The following PLIN4 variants were observed in gnomAD, a reference collection of about 807,000 sequenced individuals.
PLIN4 encodes perilipin 4, also known as perilipin-4.
In PLIN4, 57 loss-of-function variants were observed where a neutral mutation model predicts 52.4. The ratio of observed to expected loss-of-function variants is 1.09; its 90% CI spans 0.88 to 1.36. PLIN4 has a LOEUF of 1.36. Ranked by LOEUF, PLIN4 falls within the 40% of genes most tolerant of loss-of-function variation. The pLI is 0.00. For missense variants in PLIN4, 1,757 were observed against 1,770.3 expected (o/e 0.99, Z 0.13); for synonymous variants, 826 against 785.4 (o/e 1.05, Z -0.86).
At chr19:4,507,680 C>T (rs1976135731) in intron 6 of PLIN4, among the ~76,000 whole-genome samples, 1 of 152,154 alleles carries the variant, frequency 6.6e-6, no homozygotes, top group African/African-American at 2.4e-5. Context: ...CAGAGCAAGA[C>T]CCTGTCTCAC....
chr19:4,510,587 G>A lies in PLIN4; in HGVS notation c.3373C>T (p.Gln1125Ter). 6.7e-7 allele frequency: 1 copy of A among 1,502,654 alleles called. No individual in the cohort carries two copies. Among genetic ancestry groups the A allele is most frequent in the South Asian group, 1.4e-5 (1 of 72,414 alleles). The allele number at this position is 1,502,654 out of a possible 1,614,324, so 93.1% of individuals were successfully genotyped here. A position where few individuals can be genotyped will look rare whatever the true frequency, so the allele number is the denominator to read the frequency against. Residue 1125 changes from glutamine to a stop codon, truncating the protein, a stop_gained, in exon 5 of 8, where the codon CAA (glutamine) becomes TAA (stop). Coordinates refer to ENST00000301286, the MANE Select transcript of PLIN4 (RefSeq NM_001367868.2). LOFTEE classifies it high-confidence loss of function. ...TCCTCCCTGCCTGGGGCGGCCCCTT[G>A]GGTGAACGTCGCCACGTCAGTCGCA... ...GLATDVATFTQGAAPGREDTG... is the reference protein window; with the variant it reads ...GLATDVATFT
At chr19:4,508,674 A>G (rs1976174115) in intron 6 of PLIN4, 94 bp downstream of exon 6, 1 of 1,307,556 alleles carries the variant, frequency 7.6e-7, no homozygotes, top group Non-Finnish European at 1.0e-6. Flanking sequence ...ATCATCTCCT[A>G]GGTGCTCAGT....
Position 4,512,236 on chromosome 19 carries a change from G to A in PLIN4, c.1724C>T (p.Ala575Val), listed in dbSNP as rs1446818394. 4 of 1,612,914 alleles carry A rather than the reference G, an allele frequency of 2.5e-6. 1 individual carries two copies. Among genetic ancestry groups the A allele is most frequent in the Admixed American group, 3.3e-5 (2 of 59,954 alleles). ...KDTMSTGLTG[A>V]ANVAKGAVQT... ...GACAGCCCCCTTGGCCACATTCGCTGCCCCCGTGAGCCCAGTGGACATCGT... is the reference window on the plus strand; with the variant it reads ...GACAGCCCCCTTGGCCACATTCGCTACCCCCGTGAGCCCAGTGGACATCGT... Residue 575 changes from alanine (A) to valine (V), a missense_variant, in exon 5 of 8, where the codon GCA becomes GTA. Ala to Val is a moderately conservative substitution (Grantham distance 64, BLOSUM62 0). Transcript: ENST00000301286.
intron 2 of PLIN4, among the ~76,000 whole-genome samples, 193 bp downstream of exon 2, chr19:4,518,029 T>A (rs1257492232): frequency 1.3e-5 from 2 of 152,004 alleles, no homozygotes; most frequent in African/African-American, 4.8e-5. Flanking sequence ...GGTGTCGAGG[T>A]CTGCGTGGGT....
At position 4,511,884 on chromosome 19, in the gene PLIN4, C is replaced by G. The variant is rs758090722; in HGVS notation, c.2076G>C (p.Val692=). The stretch of plus-strand genomic sequence containing the variant: ...TGACTGTGTCCTTGGTGCCGGTCAG[C>G]ACGGTCTTGGCCGTGTCTACACCTG... ...AQTGVDTAKT[V]LTGTKDTVTT... is the part of the protein sequence containing the mutation. The change falls in exon 5 of 8, where the codon GTG becomes GTC. Residue 692 remains valine, a synonymous_variant. Transcript: ENST00000301286. 44 of 1,608,454 alleles carry G rather than the reference C, an allele frequency of 2.7e-5. No individual in the cohort carries two copies. In the South Asian group the frequency reaches 4.2e-4, roughly 15 times the overall value.
chr19:4,507,360 G>A (rs571556552), intron 6 of PLIN4, among the ~76,000 whole-genome samples: 33 of 152,318 alleles, frequency 2.2e-4, no homozygotes, highest in Non-Finnish European at 3.5e-4. Flanking sequence ...TCGCGGGAGC[G>A]CAGAAGCTCA....
chr19:4,505,432 C>T (rs575479233), intron 6 of PLIN4, among the ~76,000 whole-genome samples: 3 of 152,328 alleles, frequency 2.0e-5, no homozygotes, highest in South Asian at 2.1e-4. Context: ...TCACAAGGTC[C>T]GCGTTCGGCC....
At chr19:4,507,102 G>C (rs139668638) in intron 6 of PLIN4, among the ~76,000 whole-genome samples, 3 of 152,234 alleles carry the variant, frequency 2.0e-5, no homozygotes, top group Admixed American at 1.3e-4. Flanking sequence ...TCCCCTGGAG[G>C]CAGGTCATCC....
At chr19:4,507,829 G>A (rs910204481) in intron 6 of PLIN4, among the ~76,000 whole-genome samples, 3 of 152,082 alleles carry the variant, frequency 2.0e-5, no homozygotes, top group Non-Finnish European at 2.9e-5. Flanking sequence ...TCAGCTCCCT[G>A]CAGGGACCAG....
In PLIN4 at chr19:4,508,796, A is replaced by G; in HGVS notation, c.3674T>C (p.Leu1225Pro). The G allele has an allele frequency of 6.3e-7, 1 of 1,595,254 alleles. No homozygotes were observed. Among genetic ancestry groups the G allele is most frequent in the African/African-American group, 1.3e-5 (1 of 74,592 alleles). The change falls in exon 6 of 8, where the codon CTG becomes CCG. Residue 1225 changes from leucine to proline, a missense_variant. This residue lies in a region of PLIN4 where 712 missense variants were observed against 637.1 expected (regional missense o/e 1.12). Coordinates refer to ENST00000301286, the MANE Select transcript of PLIN4 (RefSeq NM_001367868.2). Reference protein sequence around the residue: ...QHGQFQARDTLAQLQDCFRLI... With the variant: ...QHGQFQARDTPAQLQDCFRLI... Reference sequence around the variant, plus strand: ...CCTGAAGCAGTCCTGGAGCTGGGCCAGAGTGTCCCTGGCTTGGAACTGGCC... The same window carrying G: ...CCTGAAGCAGTCCTGGAGCTGGGCCGGAGTGTCCCTGGCTTGGAACTGGCC...
chr19:4,512,276 T>C lies in PLIN4; in HGVS notation c.1684A>G (p.Ile562Val), dbSNP rs755553009. Residue 562 changes from isoleucine (I) to valine (V), a missense_variant, in exon 5 of 8, where the codon ATA becomes GTA. Coordinates refer to ENST00000301286, the MANE Select transcript of PLIN4 (RefSeq NM_001367868.2). ...GGLDTTKSVVIGTKDTMSTGL... is the reference protein window; with the variant it reads ...GGLDTTKSVVVGTKDTMSTGL... ...GTGGACATCGTGTCTTTTGTACCTA[T>C]GACCACAGACTTGGTGGTGTCCAGG... 8.1e-6 allele frequency: 13 copies of C among 1,611,724 alleles called. No individual in the cohort carries two copies. Among genetic ancestry groups the C allele is most frequent in the East Asian group, 4.5e-5 (2 of 44,780 alleles).
intron 1 of PLIN4, 22 bp from the exon 2 acceptor site, chr19:4,518,311 G>A (rs1385676363): frequency 1.1e-5 from 13 of 1,232,638 alleles, no homozygotes; most frequent in Middle Eastern, 3.1e-4. Flanking sequence ...CAGAGAAGGT[G>A]CGTGAATGGG....
At chr19:4,517,021 G>C (rs112931460) in intron 3 of PLIN4, among the ~76,000 whole-genome samples, 2,017 of 152,324 alleles carry the variant, frequency 0.013, 59 homozygotes, top group African/African-American at 0.046. Context: ...GCAGCTGCCT[G>C]CTGCCTATTG....
Position 4,518,400 on chromosome 19 carries a change from C to A in PLIN4, c.-33G>T. 2 of 1,230,500 alleles carry A rather than the reference C, an allele frequency of 1.6e-6. No individual in the cohort carries two copies. The highest frequency in any genetic ancestry group is 1.0e-6 in the Non-Finnish European group (1 of 987,448). 76.2% of individuals were successfully genotyped at this position (1,230,500 alleles called of 1,614,324 possible). A position where few individuals can be genotyped will look rare whatever the true frequency, so the allele number is the denominator to read the frequency against. On this transcript the variant is annotated 5_prime_UTR_variant, in exon 1 of 8. Transcript: ENST00000301286. Reference sequence around the variant, plus strand: ...CGACACCCACCTGCAGGCCTGGCCTCACCCTGGTGTCACCGAAGCAGACGC... The same window carrying A: ...CGACACCCACCTGCAGGCCTGGCCTAACCCTGGTGTCACCGAAGCAGACGC...
intron 6 of PLIN4, among the ~76,000 whole-genome samples, chr19:4,506,244 T>A (rs1234658694): frequency 6.6e-6 from 1 of 152,034 alleles, no homozygotes; most frequent in Non-Finnish European, 1.5e-5. Context: ...CCCTCCTCAC[T>A]CGGCTCCAGC....
In PLIN4 at chr19:4,510,871, A is replaced by G. The variant is rs1381994037; in HGVS notation, c.3089T>C (p.Val1030Ala). The G allele has an allele frequency of 3.1e-6, 5 of 1,613,294 alleles. No individual in the cohort carries two copies. Among genetic ancestry groups the G allele is most frequent in the African/African-American group, 2.7e-5 (2 of 74,804 alleles). Residue 1030 changes from valine (V) to alanine (A), a missense_variant, in exon 5 of 8, where the codon GTG becomes GCG. Physicochemically the swap from Val to Ala is moderately conservative, Grantham distance 64. This residue lies in a region of PLIN4 where 712 missense variants were observed against 637.1 expected (regional missense o/e 1.12). Transcript: ENST00000301286. ...KTVLTGTKDA[V>A]SAGLMGSGNV... The stretch of plus-strand genomic sequence containing the variant: ...CCCTGACCCCATGAGCCCAGCGGAC[A>G]CTGCGTCTTTGGTTCCGGTCAGCAC...
Position 4,511,896 on chromosome 19 carries a change from C to G in PLIN4, c.2064G>C (p.Thr688=), listed in dbSNP as rs10423606. The stretch of plus-strand genomic sequence containing the variant: ...TGGTGCCGGTCAGCACGGTCTTGGC[C>G]GTGTCTACACCTGTCTGGGCAGCCC... ...AKGAAQTGVD[T]AKTVLTGTKD... Residue 688 remains threonine (T), a synonymous_variant, in exon 5 of 8, where the codon ACG becomes ACC. Transcript: ENST00000301286. 2 of 1,516,710 alleles carry G rather than the reference C, an allele frequency of 1.3e-6. No individual in the cohort carries two copies. Among genetic ancestry groups the G allele is most frequent in the African/African-American group, 1.4e-5 (1 of 70,558 alleles). The allele number at this position is 1,516,710 out of a possible 1,614,324, so 94.0% of individuals were successfully genotyped here.
At position 4,504,915 on chromosome 19, in the gene PLIN4, C is replaced by T. The variant is rs1976045860; in HGVS notation, c.3735G>A (p.Gln1245=). ...CACCTGAGCCCTGGTCCAGACGTGGCTGCCCTTCTGGAGCCTGCTGGGCCT... is the reference window on the plus strand; with the variant it reads ...CACCTGAGCCCTGGTCCAGACGTGGTTGCCCTTCTGGAGCCTGCTGGGCCT... The part of the protein sequence containing the change: ...IEKAQQAPEG[Q]PRLDQGSGAS... The change falls in exon 7 of 8, where the codon CAG becomes CAA. Residue 1245 remains glutamine, a synonymous_variant. Coordinates refer to ENST00000301286, the MANE Select transcript of PLIN4 (RefSeq NM_001367868.2). 3 of 1,607,580 alleles carry T rather than the reference C, an allele frequency of 1.9e-6. No individual in the cohort carries two copies. Among genetic ancestry groups the T allele is most frequent in the Non-Finnish European group, 1.7e-6 (2 of 1,177,800 alleles).
At position 4,503,569 on chromosome 19, in the gene PLIN4, T is replaced by A. The variant is rs1461810813; in HGVS notation, c.*890A>T. On this transcript the variant is annotated 3_prime_UTR_variant, in exon 8 of 8. Transcript: ENST00000301286. The stretch of plus-strand genomic sequence containing the variant: ...CTCTGTGGCTGTTCCCAGCCCTGTC[T>A]GATCCCTCCATAGGGCACAGTTCCC... 6.6e-6 allele frequency: 1 copy of A among 152,402 alleles called. No individual in the cohort carries two copies. Among genetic ancestry groups the A allele is most frequent in the Non-Finnish European group, 1.5e-5 (1 of 68,180 alleles). The allele number at this position is 152,402 out of a possible 1,614,324, so 9.4% of individuals were successfully genotyped here.
Sources: gnomAD v4.1 joint callset for allele counts (sites outside exome capture counted in the v4.1 genomes callset) on GRCh38, gnomAD v4.1.1 for gene constraint, gnomAD v4.1.1 regional missense constraint, MANE v1.5 for transcripts, NCBI Gene and HGNC (gene_info 2026-07-23, HGNC 2026-07-21) for gene names.